The following ADAMTS12 variants were observed in gnomAD, a reference collection of about 807,000 sequenced individuals.
The protein encoded by ADAMTS12 is A disintegrin and metalloproteinase with thrombospondin motifs 12.
ADAMTS12 carries 118 observed loss-of-function variants against 167.8 expected under a neutral mutation model. The ratio of observed to expected loss-of-function variants is 0.70; its 90% CI spans 0.61 to 0.82. The LOEUF is 0.82. Ranked by LOEUF, ADAMTS12 falls within the 40% of genes least tolerant of loss-of-function variation. The probability of loss-of-function intolerance (pLI) is 0.00; values close to 1 mark genes in which losing one functional copy is unlikely to be tolerated. For missense variants in ADAMTS12, 1,916 were observed against 1,998.8 expected, an observed-to-expected ratio of 0.96 and a Z score of 0.79; for synonymous variants, 704 against 716.9, an observed-to-expected ratio of 0.98 and a Z score of 0.29.
At chr5:33,785,353 A>T (rs757803473) in intron 2 of ADAMTS12, among the ~76,000 whole-genome samples, 14 of 152,150 alleles carry the variant, frequency 9.2e-5, no homozygotes, top group Non-Finnish European at 1.5e-4. Flanking sequence ...TTGCTCTCAA[A>T]ATATGTCTTA....
intron 21 of ADAMTS12, among the ~76,000 whole-genome samples, chr5:33,547,844 T>C (rs1212094763): frequency 6.6e-6 from 1 of 152,200 alleles, no homozygotes; most frequent in Non-Finnish European, 1.5e-5. Context: ...CCTCTGTGAA[T>C]TCCTGGATTC....
At chr5:33,812,869 C>G (rs1439405135) in intron 2 of ADAMTS12, among the ~76,000 whole-genome samples, 2 of 152,188 alleles carry the variant, frequency 1.3e-5, no homozygotes, top group Admixed American at 6.5e-5. Flanking sequence ...ATATGTGCAT[C>G]TGTCCTGGGT....
intron 16 of ADAMTS12, among the ~76,000 whole-genome samples, chr5:33,610,483 A>G (rs1028858351): frequency 1.3e-5 from 2 of 152,186 alleles, no homozygotes; most frequent in Non-Finnish European, 2.9e-5. Flanking sequence ...AAGAAATGTT[A>G]ACTCCTGCTG....
At chr5:33,677,816 T>C (rs1481807867) in intron 5 of ADAMTS12, among the ~76,000 whole-genome samples, 2 of 152,224 alleles carry the variant, frequency 1.3e-5, no homozygotes, top group African/African-American at 4.8e-5. Flanking sequence ...CAGTTTCCAC[T>C]GCTTTGAAAT....
intron 3 of ADAMTS12, among the ~76,000 whole-genome samples, chr5:33,708,654 G>A (rs1176153375): frequency 6.6e-6 from 1 of 152,172 alleles, no homozygotes; most frequent in Non-Finnish European, 1.5e-5. Flanking sequence ...CAGGGACATG[G>A]ATGAAGCTAG....
intron 2 of ADAMTS12, among the ~76,000 whole-genome samples, chr5:33,775,228 A>C (rs560477769): frequency 5.3e-5 from 8 of 152,320 alleles, no homozygotes; most frequent in South Asian, 2.1e-4. Flanking sequence ...GAGCCCTGTA[A>C]AAATATAATT....
intron 2 of ADAMTS12, among the ~76,000 whole-genome samples, chr5:33,795,103 T>C (rs558069944): frequency 6.6e-6 from 1 of 152,364 alleles, no homozygotes; most frequent in African/African-American, 2.4e-5. Flanking sequence ...ACTACATGCA[T>C]AGCAGAGGAA....
chr5:33,631,089 G>A (rs1238050900), intron 12 of ADAMTS12, among the ~76,000 whole-genome samples, 176 bp from the exon 13 acceptor site: 2 of 152,056 alleles, frequency 1.3e-5, no homozygotes, highest in African/African-American at 4.8e-5. Context: ...ACATCCAGGT[G>A]CTGAATCCAA....
At chr5:33,789,551 A>G (rs1283815485) in intron 2 of ADAMTS12, among the ~76,000 whole-genome samples, 1 of 152,204 alleles carries the variant, frequency 6.6e-6, no homozygotes, top group East Asian at 1.9e-4. Context: ...GCAGAAGCTA[A>G]TAACCCTGCC....
chr5:33,549,069 G>A (rs1239552355), intron 21 of ADAMTS12, 138 bp downstream of exon 21: 2 of 1,075,216 alleles, frequency 1.9e-6, no homozygotes, highest in African/African-American at 3.2e-5. Context: ...CACATACAGG[G>A]TGGGGTCACT....
intron 2 of ADAMTS12, among the ~76,000 whole-genome samples, chr5:33,775,193 C>T (rs1038398623): frequency 4.6e-5 from 7 of 152,238 alleles, no homozygotes; most frequent in East Asian, 1.9e-4. Flanking sequence ...TCAATAGAGA[C>T]GTTCACCCCT....
intron 5 of ADAMTS12, among the ~76,000 whole-genome samples, chr5:33,666,019 A>G (rs1039806397): frequency 5.3e-5 from 8 of 152,218 alleles, no homozygotes; most frequent in Admixed American, 3.9e-4. Context: ...CAAGTAACCA[A>G]CGGAATCCTC....
rs144529630 is a variant in ADAMTS12 at position 33,532,240 on chromosome 5, T to G, written c.4606+2593A>C. ...GAAGCTTGAAAAACAATTTCAATGT[T>G]GTTGACAAATACAGCTTCCATGACT... On this transcript the variant is annotated intron_variant, in intron 23 of 23. Transcript: ENST00000504830. 2.4e-4 allele frequency among the ~76,000 whole-genome samples: 37 copies of G among 152,320 alleles called. No homozygotes were observed. The East Asian group carries it at 7.1e-3, about 29-fold the overall frequency.
chr5:33,771,116 G>C (rs545315623), intron 2 of ADAMTS12, among the ~76,000 whole-genome samples: 1 of 152,036 alleles, frequency 6.6e-6, no homozygotes, highest in Admixed American at 6.6e-5. Flanking sequence ...TGATGGGTAG[G>C]GTTTTCATCT....
chr5:33,831,167 A>T (rs1382372270), intron 2 of ADAMTS12, among the ~76,000 whole-genome samples: 2 of 152,216 alleles, frequency 1.3e-5, no homozygotes, highest in Non-Finnish European at 2.9e-5. Flanking sequence ...TGTAAGGCAT[A>T]TTTACTATGA....
intron 3 of ADAMTS12, among the ~76,000 whole-genome samples, chr5:33,697,315 T>C (rs944259835): frequency 2.0e-5 from 3 of 152,158 alleles, no homozygotes; most frequent in Non-Finnish European, 4.4e-5. Flanking sequence ...TGATAAATGA[T>C]TAAATGTCAC....
chr5:33,605,859 A>G (rs1372868717), intron 16 of ADAMTS12, among the ~76,000 whole-genome samples: 3 of 152,254 alleles, frequency 2.0e-5, no homozygotes, highest in Admixed American at 2.0e-4. Context: ...AGATGAAGAA[A>G]TTGAAGCACA....
At chr5:33,543,955 A>T (rs528755895) in intron 22 of ADAMTS12, among the ~76,000 whole-genome samples, 1 of 152,324 alleles carries the variant, frequency 6.6e-6, no homozygotes, top group African/African-American at 2.4e-5. Context: ...CTGGCACAAG[A>T]CAGGGATGCC....
intron 2 of ADAMTS12, among the ~76,000 whole-genome samples, chr5:33,782,026 T>G (rs1746148826): frequency 6.6e-6 from 1 of 152,098 alleles, no homozygotes; most frequent in Non-Finnish European, 1.5e-5. Context: ...ATCTATACCT[T>G]AACCTCATCT....
Sources: allele counts gnomAD v4.1 joint callset (sites outside exome capture counted in the v4.1 genomes callset), GRCh38; gene constraint gnomAD v4.1.1; transcripts MANE v1.5; gene names NCBI Gene and HGNC (gene_info 2026-07-23, HGNC 2026-07-21).